The following RYR3 variants were observed in gnomAD, a reference collection of about 807,000 sequenced individuals.
RYR3 encodes brain ryanodine receptor-calcium release channel.
A neutral mutation model predicts 584.3 loss-of-function variants in RYR3; 207 were observed. The observed-to-expected ratio is 0.35, with a 90% CI of 0.32 to 0.40. RYR3 has a LOEUF of 0.40. RYR3 is among the 10% of genes least tolerant of loss of function. The pLI is 1.00. For missense variants in RYR3, 5,616 were observed against 6,089.2 expected (o/e 0.92, Z 2.59); for synonymous variants, 2,416 against 2,248.5 (o/e 1.07, Z -2.11).
intron 42 of RYR3, among the ~76,000 whole-genome samples, chr15:33,705,096 ACTCTTTCT>A (rs1031041159): frequency 1.3e-5 from 1 of 78,874 alleles, no homozygotes; most frequent in African/African-American, 5.5e-5. Context: ...ATGCACACAC[ACTCTTTCT>A]CTCTCTCTCT....
At chr15:33,404,618 A>C (rs1343677530) in intron 1 of RYR3, among the ~76,000 whole-genome samples, 1 of 148,606 alleles carries the variant, frequency 6.7e-6, no homozygotes, top group African/African-American at 2.5e-5. Flanking sequence ...GTAACTGTTG[A>C]AAACACTAGG....
intron 16 of RYR3, among the ~76,000 whole-genome samples, chr15:33,589,049 G>A (rs528592156): frequency 2.0e-5 from 3 of 152,048 alleles, no homozygotes; most frequent in South Asian, 4.2e-4. Context: ...TTATCCATAG[G>A]GGTTGTACTA....
At chr15:33,415,608 A>T (rs2043746988) in intron 1 of RYR3, among the ~76,000 whole-genome samples, 1 of 152,202 alleles carries the variant, frequency 6.6e-6, no homozygotes, top group African/African-American at 2.4e-5. Context: ...CTGCAAGCAA[A>T]GACCGTGAGA....
At chr15:33,836,159 CT>C (rs11334286) in intron 87 of RYR3, among the ~76,000 whole-genome samples, 126,854 of 134,596 alleles carry the variant, frequency 0.94, 59,957 homozygotes, top group Non-Finnish European at 0.98. Flanking sequence ...TTTTCTTTTG[CT>C]TTTTTTTTAT....
chr15:33,349,751 C>G (rs1278756432), intron 1 of RYR3, among the ~76,000 whole-genome samples: 1 of 113,384 alleles, frequency 8.8e-6, no homozygotes, highest in Non-Finnish European at 1.8e-5. Flanking sequence ...CCCCTCCCCC[C>G]ACCCCACAAC....
chr15:33,560,941 A>G (rs1047390860), intron 10 of RYR3, among the ~76,000 whole-genome samples: 2 of 152,190 alleles, frequency 1.3e-5, no homozygotes, highest in African/African-American at 4.8e-5. Flanking sequence ...TAATCCAGCC[A>G]ATGTTTCAAC....
At chr15:33,756,424 AT>A in intron 59 of RYR3, 51 bp downstream of exon 59, 1 of 1,336,374 alleles carries the variant, frequency 7.5e-7, no homozygotes, top group Non-Finnish European at 1.0e-6. Context: ...GATCTCTACT[AT>A]TTAGGAAACA....
intron 86 of RYR3, among the ~76,000 whole-genome samples, chr15:33,832,709 C>G (rs571116873): frequency 1.5e-4 from 23 of 151,250 alleles, no homozygotes; most frequent in Non-Finnish European, 2.7e-4. Flanking sequence ...AAGCAAGCCC[C>G]TTAAGAGCCA....
chr15:33,563,081 C>G, intron 11 of RYR3, 71 bp downstream of exon 11: 1 of 1,236,062 alleles, frequency 8.1e-7, no homozygotes, highest in Non-Finnish European at 1.1e-6. Flanking sequence ...AGAAGTGATT[C>G]TGAGAACCAG....
chr15:33,548,936 C>T (rs1462098672), intron 9 of RYR3, among the ~76,000 whole-genome samples: 1 of 152,096 alleles, frequency 6.6e-6, no homozygotes, highest in South Asian at 2.1e-4. Context: ...TGCTCAGTCT[C>T]CCCCCGAAAA....
At chr15:33,319,257 C>G (rs917233122) in intron 1 of RYR3, among the ~76,000 whole-genome samples, 20 of 152,298 alleles carry the variant, frequency 1.3e-4, no homozygotes, top group African/African-American at 4.8e-4. Context: ...TGGACCAGAT[C>G]CAGACTGTAA....
chr15:33,391,604 C>A lies in RYR3; in HGVS notation c.51+80508C>A, dbSNP rs11635932. On this transcript the variant is annotated intron_variant, in intron 1 of 103. Transcript: ENST00000634891. ...TTGTGCCACTGCAGTCCAGCCTGGG[C>A]GACAGAGCGAGACTCTGTCTCAAAA... Among the ~76,000 whole-genome samples the A allele has an allele frequency of 2.3e-4, 33 of 144,794 alleles. No individual in the cohort carries two copies. The South Asian group carries it at 6.8e-3, about 30-fold the overall frequency. The allele number at this position is 144,794 out of a possible 152,430, so 95.0% of individuals were successfully genotyped here.
intron 52 of RYR3, among the ~76,000 whole-genome samples, chr15:33,745,104 A>G (rs2070559478): frequency 6.6e-6 from 1 of 152,150 alleles, no homozygotes; most frequent in Non-Finnish European, 1.5e-5. Flanking sequence ...AGACAGACAG[A>G]CAAATGATGG....
intron 47 of RYR3, among the ~76,000 whole-genome samples, chr15:33,731,019 T>G (rs2068900405): frequency 6.6e-6 from 1 of 152,202 alleles, no homozygotes; most frequent in Non-Finnish European, 1.5e-5. Flanking sequence ...AACCATTCAC[T>G]AATCTTACAG....
At chr15:33,448,016 T>C (rs191476908) in intron 1 of RYR3, among the ~76,000 whole-genome samples, 1 of 152,318 alleles carries the variant, frequency 6.6e-6, no homozygotes, top group Admixed American at 6.5e-5. Context: ...ATGTAAGAGA[T>C]AGAAAATGGT....
At chr15:33,541,137 C>T (rs535705124) in intron 7 of RYR3, among the ~76,000 whole-genome samples, 38 of 152,146 alleles carry the variant, frequency 2.5e-4, no homozygotes, top group Admixed American at 7.9e-4. Context: ...TTTAGCACTA[C>T]GTGTATTCAG....
At chr15:33,605,818 A>T (rs970551491) in intron 18 of RYR3, among the ~76,000 whole-genome samples, 3 of 152,218 alleles carry the variant, frequency 2.0e-5, no homozygotes, top group African/African-American at 7.2e-5. Context: ...AAGGTAATTG[A>T]TGAAGAAATG....
chr15:33,684,645 A>G (rs2064862979), intron 38 of RYR3, among the ~76,000 whole-genome samples: 3 of 152,174 alleles, frequency 2.0e-5, no homozygotes, highest in Admixed American at 1.3e-4. Flanking sequence ...AAGACACATA[A>G]TCATCAGACT....
intron 1 of RYR3, among the ~76,000 whole-genome samples, chr15:33,398,198 T>C (rs529196220): frequency 6.6e-6 from 1 of 152,336 alleles, no homozygotes; most frequent in African/African-American, 2.4e-5. Flanking sequence ...ACTACCTTTT[T>C]CCAAGGATTT....
Sources: allele counts gnomAD v4.1 joint callset (sites outside exome capture counted in the v4.1 genomes callset), GRCh38; gene constraint gnomAD v4.1.1; transcripts MANE v1.5; gene names NCBI Gene and HGNC (gene_info 2026-07-23, HGNC 2026-07-21).